The following UNC13A variants were observed in gnomAD, a reference collection of about 807,000 sequenced individuals.
UNC13A encodes the protein unc-13 homolog A.
Under a neutral mutation model 219.7 loss-of-function variants are expected in UNC13A, and 61 were observed. The ratio of observed to expected loss-of-function variants is 0.28; its 90% CI spans 0.23 to 0.34. The LOEUF is 0.34. Among genes scored for constraint, UNC13A ranks in the 10% least tolerant of loss-of-function variants. The probability of loss-of-function intolerance (pLI) is 1.00; values close to 1 mark genes in which losing one functional copy is unlikely to be tolerated. For synonymous variants in UNC13A, 920 were observed against 884.6 expected, an observed-to-expected ratio of 1.04 and a Z score of -0.71; for missense variants, 1,476 against 2,270.3, an observed-to-expected ratio of 0.65 and a Z score of 7.11.
At chr19:17,629,374 G>A in intron 30 of UNC13A, 51 bp from the exon 31 acceptor site, 4 of 1,532,404 alleles carry the variant, frequency 2.6e-6, no homozygotes, top group East Asian at 2.3e-5. Context: ...ACCAAGGCAG[G>A]CGCCAGTCGT....
chr19:17,612,563 G>A (rs984619684), intron 41 of UNC13A, among the ~76,000 whole-genome samples: 17 of 152,078 alleles, frequency 1.1e-4, no homozygotes, highest in African/African-American at 4.1e-4. Context: ...GTCAGATCAT[G>A]TCGGCAGGGC....
intron 4 of UNC13A, 117 bp downstream of exon 4, chr19:17,672,261 G>T: frequency 2.5e-6 from 2 of 812,662 alleles, no homozygotes; most frequent in Non-Finnish European, 4.0e-6. Flanking sequence ...AATCCCAAGT[G>T]TCTACATTGA....
rs190558164 is a variant in UNC13A at position 17,632,973 on chromosome 19, G to T, written c.3302-65C>A. On this transcript the variant is annotated intron_variant, in intron 27 of 43. Transcript: ENST00000519716. ...TGCCACCCTCTGTCTCGGCAGAGAGGCTGCCTACTCTGGCCATCACTGATT... is the reference window on the plus strand; with the variant it reads ...TGCCACCCTCTGTCTCGGCAGAGAGTCTGCCTACTCTGGCCATCACTGATT... The T allele has an allele frequency of 9.6e-5, 155 of 1,610,966 alleles. 1 individual carries two copies. In the East Asian group the frequency reaches 3.4e-3, roughly 35 times the overall value.
chr19:17,669,272 CAAGG>C (rs1000410881), intron 5 of UNC13A, among the ~76,000 whole-genome samples: 2 of 152,180 alleles, frequency 1.3e-5, no homozygotes, highest in Non-Finnish European at 1.5e-5. Context: ...CAGGCATCAC[CAAGG>C]AACAGCCAGG....
At chr19:17,636,730 G>A (rs747789423) in intron 25 of UNC13A, among the ~76,000 whole-genome samples, 18 of 152,138 alleles carry the variant, frequency 1.2e-4, no homozygotes, top group Non-Finnish European at 2.1e-4. Flanking sequence ...CTGAACATAC[G>A]CAGGGCAATT....
chr19:17,661,139 C>T lies in UNC13A; in HGVS notation c.559+2393G>A, dbSNP rs1362917600. ...TTTTTTGTAGAGATGGAGTCTTGCT[C>T]TGTTGCCCAGGCTGATTTCAGACTT... On this transcript the variant is annotated intron_variant, in intron 8 of 43. Coordinates refer to ENST00000519716, the MANE Select transcript of UNC13A (RefSeq NM_001080421.3). 5.6e-5 allele frequency among the ~76,000 whole-genome samples: 8 copies of T among 141,958 alleles called. No individual in the cohort carries two copies. The East Asian group carries it at 1.7e-3, about 30-fold the overall frequency. 93.1% of individuals were successfully genotyped at this position (141,958 alleles called of 152,430 possible).
Position 17,655,271 on chromosome 19 carries a change from C to A in UNC13A, c.1392+3G>T. On this transcript the variant is annotated splice_donor_region_variant and intron_variant, in intron 11 of 43. Transcript: ENST00000519716. Reference sequence around the variant, plus strand: ...CAGGGGCATGGCTGGGCGTGTCACTCACCTCCTGCAGCTGCATCCGCACCT... The same window carrying A: ...CAGGGGCATGGCTGGGCGTGTCACTAACCTCCTGCAGCTGCATCCGCACCT... 1 of 1,565,322 alleles carries A rather than the reference C, an allele frequency of 6.4e-7. No homozygotes were observed. Among genetic ancestry groups the A allele is most frequent in the Admixed American group, 1.9e-5 (1 of 53,276 alleles).
intron 35 of UNC13A, 49 bp downstream of exon 35, chr19:17,624,780 C>T (rs772887642): frequency 7.0e-6 from 11 of 1,575,750 alleles, no homozygotes; most frequent in South Asian, 2.3e-5. Flanking sequence ...TCTGGGCTCT[C>T]GCCAGGGAGG....
At chr19:17,624,683 T>C (rs2076763963) in intron 35 of UNC13A, 146 bp downstream of exon 35, 1 of 1,226,624 alleles carries the variant, frequency 8.2e-7, no homozygotes, top group Non-Finnish European at 1.1e-6. Flanking sequence ...GTGGCTTCCA[T>C]GACCCTTGAA....
At chr19:17,626,184 T>C (rs915384262) in intron 34 of UNC13A, 8 of 154,394 alleles carry the variant, frequency 5.2e-5, no homozygotes, top group African/African-American at 1.9e-4. Context: ...CATCCATCCA[T>C]CCATCCATCG....
At chr19:17,672,569 G>T (rs759348246) in intron 3 of UNC13A, 74 bp from the exon 4 acceptor site, 5 of 1,168,418 alleles carry the variant, frequency 4.3e-6, no homozygotes, top group Admixed American at 4.0e-5. Context: ...TAGTTGATTC[G>T]CCTGAGAACA....
At chr19:17,630,316 G>T in intron 29 of UNC13A, 28 bp from the exon 30 acceptor site, 1 of 1,556,642 alleles carries the variant, frequency 6.4e-7, no homozygotes, top group Non-Finnish European at 8.7e-7. Flanking sequence ...CCAAGAGGAA[G>T]GAGGAGATCA....
At chr19:17,687,317 G>A (rs533445387) in intron 1 of UNC13A, among the ~76,000 whole-genome samples, 2 of 152,074 alleles carry the variant, frequency 1.3e-5, no homozygotes, top group Admixed American at 6.5e-5. Context: ...CCCACCTCAC[G>A]TCTCCCTCCC....
rs763352520 is a variant in UNC13A at position 17,601,841 on chromosome 19, C to T, written c.*4213G>A. The stretch of plus-strand genomic sequence containing the variant: ...ATAAAAGGCAAAGAGAAAAGCAACA[C>T]GTGTCAGCAAAGACAACTTTGGTCC... On this transcript the variant is annotated 3_prime_UTR_variant, in exon 44 of 44. Coordinates refer to ENST00000519716, the MANE Select transcript of UNC13A (RefSeq NM_001080421.3). 2.6e-5 allele frequency: 4 copies of T among 152,620 alleles called. No homozygotes were observed. The highest frequency in any genetic ancestry group is 2.1e-4 in the South Asian group (1 of 4,832). The allele number at this position is 152,620 out of a possible 1,614,324, so 9.5% of individuals were successfully genotyped here.
intron 34 of UNC13A, among the ~76,000 whole-genome samples, chr19:17,625,356 G>A (rs2076771708): frequency 1.3e-5 from 2 of 152,210 alleles, no homozygotes; most frequent in South Asian, 4.1e-4. Flanking sequence ...GAACAGGAGG[G>A]GAATGGTCAG....
At chr19:17,647,180 G>C in intron 17 of UNC13A, 85 bp downstream of exon 17, 1 of 1,295,314 alleles carries the variant, frequency 7.7e-7, no homozygotes, top group Non-Finnish European at 1.1e-6. Context: ...CTGCAAAGGA[G>C]AGGGACCAGG....
At position 17,636,141 on chromosome 19, in the gene UNC13A, A is replaced by T. The variant is rs1219447662; in HGVS notation, c.3098T>A (p.Val1033Asp). Residue 1033 changes from valine to aspartate, a missense_variant, in exon 26 of 44, where the codon GTT becomes GAT. By Grantham distance (152) the Val-to-Asp change is radical (BLOSUM62 -3). Transcript: ENST00000519716. ...YQTDPAKKGE[V>D]LPEEQGPSIK... ...GCTGGGCCCCTGTTCCTCTGGGAGA[A>T]CTTCCCCCTTCTTGGCCTGAAATGG... The T allele has an allele frequency of 8.1e-6, 13 of 1,599,148 alleles. No homozygotes were observed. The highest frequency in any genetic ancestry group is 1.0e-5 in the Non-Finnish European group (12 of 1,172,372).
chr19:17,667,006 C>A (rs552396115), intron 6 of UNC13A, among the ~76,000 whole-genome samples: 3 of 152,078 alleles, frequency 2.0e-5, no homozygotes, highest in Non-Finnish European at 2.9e-5. Flanking sequence ...GTAATCCCAG[C>A]ACTTTGGGAG....
chr19:17,644,149 C>T (rs568616444), intron 19 of UNC13A, among the ~76,000 whole-genome samples: 9 of 152,116 alleles, frequency 5.9e-5, no homozygotes, highest in Non-Finnish European at 1.0e-4. Flanking sequence ...GATTAGGATT[C>T]CCAAACAATA....
Sources: allele counts gnomAD v4.1 joint callset (sites outside exome capture counted in the v4.1 genomes callset), GRCh38; gene constraint gnomAD v4.1.1; transcripts MANE v1.5; gene names NCBI Gene and HGNC (gene_info 2026-07-23, HGNC 2026-07-21).